KATNIP: variants seen among roughly 807,000 people sequenced by gnomAD.
The protein encoded by KATNIP is katanin interacting protein.
In KATNIP, 126 loss-of-function variants were observed where a neutral mutation model predicts 174.0. The observed-to-expected ratio is 0.72, with a 90% CI of 0.63 to 0.84. The LOEUF (loss-of-function observed/expected upper bound fraction) is 0.84. Among genes scored for constraint, KATNIP ranks in the 40% least tolerant of loss-of-function variants. The probability of loss-of-function intolerance (pLI) is 0.00; values close to 1 mark genes in which losing one functional copy is unlikely to be tolerated. For synonymous variants in KATNIP, 810 were observed against 835.7 expected (o/e 0.97, Z 0.53); for missense variants, 1,958 against 2,109.7 (o/e 0.93, Z 1.41).
At chr16:27,743,224 G>A (rs573262846) in intron 15 of KATNIP, among the ~76,000 whole-genome samples, 1 of 152,296 alleles carries the variant, frequency 6.6e-6, no homozygotes, top group African/African-American at 2.4e-5. Context: ...ATTCCATGGT[G>A]TATATGTACC....
chr16:27,771,668 C>G lies in KATNIP; in HGVS notation c.4198+16C>G, dbSNP rs754752496. 4 of 1,612,214 alleles carry G rather than the reference C, an allele frequency of 2.5e-6. No homozygotes were observed. The highest frequency in any genetic ancestry group is 3.4e-6 in the Non-Finnish European group (4 of 1,178,884). ...CCCTGTGGCTGTATCCTTCTCCTCC[C>G]GCCCCACCAGCACATTCTGGGCCCC... On this transcript the variant is annotated intron_variant, in intron 22 of 27. Coordinates refer to ENST00000261588, the MANE Select transcript of KATNIP (RefSeq NM_015202.5).
chr16:27,677,834 G>C lies in KATNIP; in HGVS notation c.646G>C (p.Glu216Gln), dbSNP rs755176301. The change falls in exon 7 of 28, where the codon GAG becomes CAG. Residue 216 changes from glutamate (E) to glutamine (Q), a missense_variant. Around this residue, in one of 3 missense-constraint regions of KATNIP, gnomAD observed 1,557 missense variants for 1,617.8 expected, o/e 0.96. Transcript: ENST00000261588. ...SIEEDILSEPEPEDPALVGHP... is the reference protein window; with the variant it reads ...SIEEDILSEPQPEDPALVGHP... ...TGAGGAAGACATACTCTCTGAGCCTGAGCCAGAGGACCCGGCACTGGTGGG... is the reference window on the plus strand; with the variant it reads ...TGAGGAAGACATACTCTCTGAGCCTCAGCCAGAGGACCCGGCACTGGTGGG... 8.1e-6 allele frequency: 13 copies of C among 1,614,068 alleles called. No individual in the cohort carries two copies. Among genetic ancestry groups the C allele is most frequent in the Middle Eastern group, 1.6e-4 (1 of 6,084 alleles).
At position 27,699,547 on chromosome 16, in the gene KATNIP, C is replaced by T. The variant is rs2079027160; in HGVS notation, c.1127C>T (p.Pro376Leu). 6.2e-7 allele frequency: 1 copy of T among 1,614,138 alleles called. No homozygotes were observed. Among genetic ancestry groups the T allele is most frequent in the Non-Finnish European group, 8.5e-7 (1 of 1,180,000 alleles). Residue 376 changes from proline (P) to leucine (L), a missense_variant, in exon 10 of 28, where the codon CCA becomes CTA. This residue lies in a region of KATNIP where 1,557 missense variants were observed against 1,617.8 expected (regional missense o/e 0.96). Transcript: ENST00000261588. ...PASPLQDAEG[P>L]PAKPWTSLLE... ...ACATCCTTCCAGGATGCAGAAGGAC[C>T]ACCAGCAAAACCATGGACCAGTCTG...
intron 2 of KATNIP, among the ~76,000 whole-genome samples, chr16:27,582,328 A>G (rs1295589912): frequency 2.0e-5 from 3 of 152,232 alleles, no homozygotes; most frequent in African/African-American, 7.2e-5. Flanking sequence ...GTTGCATTAC[A>G]AAGAGCCTGG....
rs1235707519 is a variant in KATNIP at position 27,708,828 on chromosome 16, G to A, written c.1513G>A (p.Asp505Asn). The A allele has an allele frequency of 3.7e-6, 6 of 1,613,946 alleles. No homozygotes were observed. Among genetic ancestry groups the A allele is most frequent in the Non-Finnish European group, 5.1e-6 (6 of 1,180,028 alleles). The part of the protein sequence containing the change: ...LTEVEFFDLN[D>N]TKLYVSPHDV... ...AGAAGTCGAGTTCTTTGACTTGAAT[G>A]ACACAAAGCTTTATGTGTCGCCCCA... is the stretch of plus-strand genomic sequence containing the variant. Residue 505 changes from aspartate (D) to asparagine (N), a missense_variant, in exon 13 of 28, where the codon GAC becomes AAC. Asp to Asn is a conservative substitution (Grantham distance 23, BLOSUM62 1). Transcript: ENST00000261588.
At chr16:27,687,132 CT>C (rs1177149808) in intron 8 of KATNIP, 1 of 152,258 alleles carries the variant, frequency 6.6e-6, no homozygotes, top group Non-Finnish European at 1.5e-5. Flanking sequence ...GTTGCCAGCT[CT>C]GCTCAGCTTC....
rs116429696 is a variant in KATNIP at position 27,673,950 on chromosome 16, C to T, written c.541-3779C>T. Reference sequence around the variant, plus strand: ...ATTCAGTCATTCAGCAGATACTGGTCGAGCACCTACTATGTGCCAGCCAGT... The same window carrying T: ...ATTCAGTCATTCAGCAGATACTGGTTGAGCACCTACTATGTGCCAGCCAGT... On this transcript the variant is annotated intron_variant, in intron 6 of 27. Coordinates refer to ENST00000261588, the MANE Select transcript of KATNIP (RefSeq NM_015202.5). Among the ~76,000 whole-genome samples, 827 of 152,274 alleles carry T rather than the reference C, an allele frequency of 5.4e-3. 14 individuals carry two copies. Among genetic ancestry groups the T allele is most frequent in the African/African-American group, 0.019 (792 of 41,550 alleles).
chr16:27,635,890 A>G (rs1354576116), intron 5 of KATNIP, among the ~76,000 whole-genome samples: 1 of 152,176 alleles, frequency 6.6e-6, no homozygotes, highest in Non-Finnish European at 1.5e-5. Context: ...GCAATGGCTC[A>G]TGCCTCTAAT....
chr16:27,597,949 C>T (rs889402461), intron 2 of KATNIP, among the ~76,000 whole-genome samples: 4 of 152,046 alleles, frequency 2.6e-5, no homozygotes, highest in Non-Finnish European at 5.9e-5. Context: ...GCATTTGGGC[C>T]GGGCATGGTG....
intron 5 of KATNIP, among the ~76,000 whole-genome samples, chr16:27,640,086 T>G (rs530379578): frequency 6.6e-6 from 1 of 152,178 alleles, no homozygotes; most frequent in African/African-American, 2.4e-5. Flanking sequence ...GGGTGGCAGA[T>G]ATGAACAAAT....
rs35106167 is a variant in KATNIP at position 27,557,430 on chromosome 16, A to AT, written c.7+7272dup. Among the ~76,000 whole-genome samples, 461 of 119,418 alleles carry AT rather than the reference A, an allele frequency of 3.9e-3. 3 individuals carry two copies. Among genetic ancestry groups the AT allele is most frequent in the African/African-American group, 0.012 (382 of 32,192 alleles). The allele number at this position is 119,418 out of a possible 152,430, so 78.3% of individuals were successfully genotyped here. On this transcript the variant is annotated intron_variant, in intron 1 of 27. Transcript: ENST00000261588. ...TAAAGTGCTACGGTTACAGGTGTGG[A>AT]TTTTTTTTTTTTTTTTTTTGAGACA...
intron 18 of KATNIP, chr16:27,754,464 T>C (rs2081640634): frequency 1.8e-6 from 1 of 567,320 alleles, no homozygotes; most frequent in Non-Finnish European, 3.1e-6. Context: ...GAGGGGCATC[T>C]CTTAGCATTT....
intron 2 of KATNIP, among the ~76,000 whole-genome samples, chr16:27,613,413 C>T (rs2075954146): frequency 6.6e-6 from 1 of 152,178 alleles, no homozygotes; most frequent in African/African-American, 2.4e-5. Flanking sequence ...AAAGGAGGAT[C>T]GATGCATTCC....
chr16:27,608,015 T>C lies in KATNIP; in HGVS notation c.64-10410T>C, dbSNP rs117128245. On this transcript the variant is annotated intron_variant, in intron 2 of 27. Transcript: ENST00000261588. ...ATTCTCAAGCCCTAGAAACCAGCAC[T>C]GCACTCTCAGCTGCTCCTGAATGCA... is the stretch of plus-strand genomic sequence containing the variant. Among the ~76,000 whole-genome samples the C allele has an allele frequency of 2.3e-3, 343 of 152,294 alleles. 2 individuals carry two copies. The highest frequency in any genetic ancestry group is 4.8e-3 in the East Asian group (25 of 5,180).
intron 6 of KATNIP, among the ~76,000 whole-genome samples, chr16:27,668,923 T>C (rs1169633238): frequency 1.3e-5 from 2 of 152,284 alleles, no homozygotes; most frequent in East Asian, 3.9e-4. Context: ...GGAGGATCAC[T>C]TGAACCCAGG....
intron 2 of KATNIP, among the ~76,000 whole-genome samples, chr16:27,614,213 T>C (rs947159651): frequency 6.6e-6 from 1 of 151,950 alleles, no homozygotes; most frequent in Non-Finnish European, 1.5e-5. Flanking sequence ...TTTCCCAGGC[T>C]GGAGTGCAGT....
chr16:27,654,473 A>C, intron 6 of KATNIP: 1 of 672,392 alleles, frequency 1.5e-6, no homozygotes. Flanking sequence ...GATCCACTTT[A>C]GGAGCAAGAG....
At chr16:27,654,987 G>A (rs994005140) in intron 6 of KATNIP, among the ~76,000 whole-genome samples, 1 of 151,238 alleles carries the variant, frequency 6.6e-6, no homozygotes, top group Non-Finnish European at 1.5e-5. Context: ...AAATGTGCAG[G>A]GTGTGGTGGC....
intron 2 of KATNIP, among the ~76,000 whole-genome samples, chr16:27,612,948 AAAAT>A (rs897511007): frequency 3.6e-4 from 54 of 151,926 alleles, no homozygotes; most frequent in African/African-American, 1.3e-3. Context: ...TGTCTCAAAA[AAAAT>A]AAATAAATAA....
Sources: gnomAD v4.1 joint callset for allele counts (sites outside exome capture counted in the v4.1 genomes callset) on GRCh38, gnomAD v4.1.1 for gene constraint, gnomAD v4.1.1 regional missense constraint, MANE v1.5 for transcripts, NCBI Gene and HGNC (gene_info 2026-07-23, HGNC 2026-07-21) for gene names.